The following THRB variants were observed in gnomAD, a reference collection of about 807,000 sequenced individuals.
The protein encoded by THRB is thyroid hormone receptor beta.
THRB carries 12 observed loss-of-function variants against 47.8 expected under a neutral mutation model. The ratio of observed to expected loss-of-function variants is 0.25; its 90% CI spans 0.16 to 0.41. The LOEUF is 0.41. THRB is among the 10% of genes least tolerant of loss of function. The probability of loss-of-function intolerance (pLI) is 1.00; values close to 1 mark genes in which losing one functional copy is unlikely to be tolerated. For missense variants in THRB, 348 were observed against 589.2 expected, an observed-to-expected ratio of 0.59 and a Z score of 4.24; for synonymous variants, 218 against 212.2, an observed-to-expected ratio of 1.03 and a Z score of -0.24.
At chr3:24,370,443 G>A (rs917511385) in intron 1 of THRB, among the ~76,000 whole-genome samples, 1 of 152,074 alleles carries the variant, frequency 6.6e-6, no homozygotes, top group Non-Finnish European at 1.5e-5. Context: ...ATGGCAGGAC[G>A]TGTGTGAGGT....
At chr3:24,377,582 A>G (rs1350332781) in intron 1 of THRB, among the ~76,000 whole-genome samples, 1 of 152,140 alleles carries the variant, frequency 6.6e-6, no homozygotes, top group Non-Finnish European at 1.5e-5. Flanking sequence ...GATATGGTGA[A>G]ATTCAGAAGT....
intron 2 of THRB, among the ~76,000 whole-genome samples, chr3:24,301,251 C>T (rs1264023880): frequency 1.3e-5 from 2 of 152,148 alleles, no homozygotes; most frequent in Admixed American, 6.5e-5. Context: ...TTTAAACCAC[C>T]AAGCTCATGT....
At chr3:24,387,865 G>A (rs1353875100) in intron 1 of THRB, among the ~76,000 whole-genome samples, 1 of 152,036 alleles carries the variant, frequency 6.6e-6, no homozygotes, top group African/African-American at 2.4e-5. Flanking sequence ...AGTAGGGAAA[G>A]AGACAGGCCC....
chr3:24,263,901 A>G (rs2052357773), intron 3 of THRB, among the ~76,000 whole-genome samples: 1 of 152,212 alleles, frequency 6.6e-6, no homozygotes, highest in South Asian at 2.1e-4. Flanking sequence ...GTCATCATCC[A>G]AAGTGATGTC....
intron 4 of THRB, among the ~76,000 whole-genome samples, chr3:24,224,876 T>G (rs1226576248): frequency 6.6e-6 from 1 of 152,240 alleles, no homozygotes; most frequent in Admixed American, 6.5e-5. Flanking sequence ...ATGACGTGAC[T>G]TGCTTAGTTA....
intron 4 of THRB, among the ~76,000 whole-genome samples, chr3:24,210,247 A>C (rs1283558533): frequency 4.6e-5 from 7 of 152,064 alleles, no homozygotes; most frequent in African/African-American, 1.4e-4. Context: ...AAAGATGGGG[A>C]GGGTGGGAGG....
chr3:24,369,635 C>A (rs1290068686), intron 1 of THRB, among the ~76,000 whole-genome samples: 1 of 152,144 alleles, frequency 6.6e-6, no homozygotes, highest in Non-Finnish European at 1.5e-5. Context: ...CCTCTCCTCT[C>A]TTGAACAAAA....
At position 24,153,716 on chromosome 3, in the gene THRB, G is replaced by A. The variant is rs74460959; in HGVS notation, c.284-1226C>T. On this transcript the variant is annotated intron_variant, in intron 5 of 10. Transcript: ENST00000646209. ...TCCCCTCTATCAATGGTTTACCATT[G>A]ATAAATTATGTGATATATAGAATCA... is the stretch of plus-strand genomic sequence containing the variant. 5.6e-3 allele frequency among the ~76,000 whole-genome samples: 859 copies of A among 152,160 alleles called. 2 individuals are homozygous for A. The highest frequency in any genetic ancestry group is 0.019 in the African/African-American group (779 of 41,512).
intron 3 of THRB, among the ~76,000 whole-genome samples, chr3:24,251,377 T>G (rs1160346162): frequency 6.6e-6 from 1 of 152,122 alleles, no homozygotes; most frequent in Non-Finnish European, 1.5e-5. Flanking sequence ...AGGTCTCATG[T>G]GTAAAGATAT....
intron 3 of THRB, among the ~76,000 whole-genome samples, chr3:24,263,382 T>C (rs1347997055): frequency 1.3e-5 from 2 of 152,176 alleles, no homozygotes; most frequent in Non-Finnish European, 2.9e-5. Flanking sequence ...AGAGGTAAAG[T>C]GGCTTGCTCA....
In THRB at chr3:24,233,599, G is replaced by GAAAGAAAGAAAGAAAGAAAGAAAAAT. The variant is rs1559684642; in HGVS notation, c.-42-4599_-42-4598insATTTTTCTTTCTTTCTTTCTTTCTTT. ...AGAAAGAAAGAAAGAAAGAAAGAAA[G>GAAAGAAAGAAAGAAAGAAAGAAAAAT]AAAGAAAGAAAGAAAGAGAAAGAGC... On this transcript the variant is annotated intron_variant, in intron 3 of 10. Transcript: ENST00000646209. Among the ~76,000 whole-genome samples the GAAAGAAAGAAAGAAAGAAAGAAAAAT allele has an allele frequency of 3.3e-5, 5 of 150,914 alleles. No homozygotes were observed. In the East Asian group the frequency reaches 6.0e-4, roughly 18 times the overall value.
At chr3:24,256,938 G>C (rs2051349669) in intron 3 of THRB, among the ~76,000 whole-genome samples, 1 of 152,198 alleles carries the variant, frequency 6.6e-6, no homozygotes, top group Admixed American at 6.5e-5. Context: ...TGAATTCATA[G>C]TAGCACAAAT....
At chr3:24,463,179 T>C (rs1484357812) in intron 1 of THRB, among the ~76,000 whole-genome samples, 2 of 152,276 alleles carry the variant, frequency 1.3e-5, no homozygotes, top group Admixed American at 6.5e-5. Flanking sequence ...TTAAGATTTC[T>C]ATGTAACTTT....
intron 1 of THRB, among the ~76,000 whole-genome samples, chr3:24,400,851 C>T (rs922638483): frequency 6.6e-6 from 1 of 152,006 alleles, no homozygotes; most frequent in African/African-American, 2.4e-5. Flanking sequence ...CACTGGGGGA[C>T]TAAAATTAGC....
chr3:24,353,883 C>T (rs1479881434), intron 1 of THRB, among the ~76,000 whole-genome samples: 2 of 152,010 alleles, frequency 1.3e-5, no homozygotes, highest in Non-Finnish European at 2.9e-5. Context: ...TCTTGCTAAG[C>T]ATTGCTAAAA....
At position 24,151,712 on chromosome 3, in the gene THRB, G is replaced by A. The variant is rs183335786; in HGVS notation, c.384+678C>T. ...ACCTTATCTGAATTTTGTTGATGAA[G>A]TCTTGTAAGTAGGCCAATTTAGGTT... On this transcript the variant is annotated intron_variant, in intron 6 of 10. Coordinates refer to ENST00000646209, the MANE Select transcript of THRB (RefSeq NM_001354712.2). Among the ~76,000 whole-genome samples the A allele has an allele frequency of 3.9e-5, 6 of 152,294 alleles. No homozygotes were observed. In the East Asian group the frequency reaches 7.7e-4, roughly 20 times the overall value.
chr3:24,179,739 T>C (rs1039986107), intron 5 of THRB, among the ~76,000 whole-genome samples: 4 of 152,200 alleles, frequency 2.6e-5, no homozygotes, highest in Non-Finnish European at 4.4e-5. Flanking sequence ...ACAAATAGCT[T>C]TTGATTCATT....
At chr3:24,200,528 T>A (rs946895647) in intron 4 of THRB, among the ~76,000 whole-genome samples, 2 of 152,202 alleles carry the variant, frequency 1.3e-5, no homozygotes, top group East Asian at 3.9e-4. Flanking sequence ...TTTCAACAGA[T>A]TACTCTCAGG....
At chr3:24,458,660 G>T (rs1239510827) in intron 1 of THRB, 1 of 152,128 alleles carries the variant, frequency 6.6e-6, no homozygotes, top group African/African-American at 2.4e-5. Context: ...TGCAGCAAAT[G>T]TATCAGCAAC....
Sources: allele counts gnomAD v4.1 joint callset (sites outside exome capture counted in the v4.1 genomes callset), GRCh38; gene constraint gnomAD v4.1.1; transcripts MANE v1.5; gene names NCBI Gene and HGNC (gene_info 2026-07-23, HGNC 2026-07-21).